PCNA: variants seen among roughly 807,000 people sequenced by gnomAD.
The protein encoded by PCNA is proliferating cell nuclear antigen, also known as DNA sliding clamp PCNA.
A neutral mutation model predicts 27.8 loss-of-function variants in PCNA; 4 were observed. The ratio of observed to expected loss-of-function variants is 0.14; its 90% CI spans 0.07 to 0.33. The LOEUF is 0.33. Ranked by LOEUF, PCNA falls within the 10% of genes least tolerant of loss-of-function variation. The pLI is 1.00. For missense variants in PCNA, 165 were observed against 327.4 expected, an observed-to-expected ratio of 0.50 and a Z score of 3.83; for synonymous variants, 121 against 119.4, an observed-to-expected ratio of 1.01 and a Z score of -0.09.
At position 5,119,676 on chromosome 20, in the gene PCNA, G is replaced by A; in HGVS notation, c.123C>T (p.Asp41=). The A allele has an allele frequency of 6.2e-7, 1 of 1,612,618 alleles. No individual in the cohort carries two copies. The highest frequency in any genetic ancestry group is 8.5e-7 in the Non-Finnish European group (1 of 1,179,454). ...SSSGVNLQSM[D]SSHVSLVQLT... ...GCTGCACCAAAGAGACGTGGGACGA[G>A]TCCATGCTCTGCAGGTTTACACCGC... The change falls in exon 1 of 6, where the codon GAC becomes GAT. Residue 41 remains aspartate (D), a synonymous_variant. Coordinates refer to ENST00000379143, the MANE Select transcript of PCNA (RefSeq NM_182649.2).
chr20:5,118,495 C>T, intron 3 of PCNA, 115 bp downstream of exon 3: 2 of 723,866 alleles, frequency 2.8e-6, no homozygotes, highest in East Asian at 2.6e-5. Flanking sequence ...GGCACTACTG[C>T]ACTCCAGCCT....
intron 3 of PCNA, 49 bp from the exon 4 acceptor site, chr20:5,117,713 A>G: frequency 8.5e-7 from 1 of 1,181,652 alleles, no homozygotes; most frequent in Non-Finnish European, 1.2e-6. Flanking sequence ...AAATTTAATG[A>G]TTTGGCACCC....
chr20:5,117,771 C>T, intron 3 of PCNA, 107 bp from the exon 4 acceptor site: 1 of 635,518 alleles, frequency 1.6e-6, no homozygotes, highest in Non-Finnish European at 2.7e-6. Context: ...TCAATATTTT[C>T]TGATTACTTT....
chr20:5,120,195 G>A (rs747610543), upstream of PCNA, among the ~76,000 whole-genome samples: 6 of 152,268 alleles, frequency 3.9e-5, no homozygotes, highest in African/African-American at 1.2e-4. Context: ...GGGCATATGT[G>A]GAGATCGGGT....
intron 3 of PCNA, 94 bp downstream of exon 3, chr20:5,118,516 G>T (rs2090492109): frequency 2.2e-6 from 2 of 928,462 alleles, no homozygotes; most frequent in African/African-American, 1.6e-5. Context: ...GGGCAACAGA[G>T]CCAAGACCCT....
chr20:5,123,063 A>T (rs990596378), upstream of PCNA, among the ~76,000 whole-genome samples: 1 of 152,192 alleles, frequency 6.6e-6, no homozygotes, highest in Non-Finnish European at 1.5e-5. Flanking sequence ...GGAGAGTTGG[A>T]AAAAAGCATT....
At chr20:5,123,154 G>A (rs1489075749), upstream of PCNA, among the ~76,000 whole-genome samples, 1 of 152,196 alleles carries the variant, frequency 6.6e-6, no homozygotes, top group African/African-American at 2.4e-5. Flanking sequence ...AACTCAGACT[G>A]ATGTGTCTGA....
upstream of PCNA, chr20:5,119,993 C>A (rs754560449): frequency 5.1e-6 from 3 of 589,722 alleles, no homozygotes; most frequent in Non-Finnish European, 9.1e-6. Context: ...TCTCACCCTG[C>A]GCCGCGTTGC....
intron 1 of PCNA, among the ~76,000 whole-genome samples, chr20:5,125,806 T>C (rs1369096108): frequency 6.6e-6 from 1 of 152,196 alleles, no homozygotes. Flanking sequence ...CTAAGGTCCT[T>C]TTAAAAGTTT....
upstream of PCNA, among the ~76,000 whole-genome samples, chr20:5,120,869 C>T (rs1003882389): frequency 2.0e-5 from 3 of 152,060 alleles, no homozygotes; most frequent in Non-Finnish European, 4.4e-5. Flanking sequence ...TACAGTGGCG[C>T]GATCTCAGCT....
intron 1 of PCNA, among the ~76,000 whole-genome samples, chr20:5,125,345 G>A (rs1249793969): frequency 6.6e-6 from 1 of 151,842 alleles, no homozygotes; most frequent in Non-Finnish European, 1.5e-5. Context: ...ATTTTAGCCA[G>A]GCATGGTAGC....
intron 3 of PCNA, among the ~76,000 whole-genome samples, chr20:5,117,926 T>C (rs989632945): frequency 6.6e-6 from 1 of 152,214 alleles, no homozygotes; most frequent in African/African-American, 2.4e-5. Context: ...ACAGAAATCA[T>C]GATGGCGCAA....
chr20:5,119,604 G>A lies in PCNA; in HGVS notation c.195C>T (p.Asn65=), dbSNP rs1236299518. 6.2e-7 allele frequency: 1 copy of A among 1,613,372 alleles called. No homozygotes were observed. Among genetic ancestry groups the A allele is most frequent in the Non-Finnish European group, 8.5e-7 (1 of 1,179,914 alleles). ...TGGTGAGGTTCACGCCCATGGCCAG[G>A]TTGCGGTCGCAGCGGTAGGTGTCGA... ...EGFDTYRCDR[N]LAMGVNLTSM... The change falls in exon 1 of 6, where the codon AAC becomes AAT. Residue 65 remains asparagine, a synonymous_variant. Coordinates refer to ENST00000379143, the MANE Select transcript of PCNA (RefSeq NM_182649.2).
intron 4 of PCNA, among the ~76,000 whole-genome samples, chr20:5,116,549 A>G (rs1216601970): frequency 6.6e-6 from 1 of 152,250 alleles, no homozygotes; most frequent in Non-Finnish European, 1.5e-5. Context: ...CACACACAGC[A>G]TATGCTAAGC....
chr20:5,122,171 G>A (rs771341842), upstream of PCNA, among the ~76,000 whole-genome samples: 3 of 151,872 alleles, frequency 2.0e-5, no homozygotes, highest in South Asian at 6.2e-4. Flanking sequence ...TAGTAGAGAC[G>A]GGGTTTTGCC....
upstream of PCNA, chr20:5,121,341 C>G (rs559030246): frequency 1.7e-4 from 26 of 149,164 alleles, no homozygotes; most frequent in Admixed American, 1.7e-3. Context: ...CTTCAAATAT[C>G]TCCTCTCCTT....
chr20:5,124,607 G>A (rs1176344897), upstream of PCNA, among the ~76,000 whole-genome samples: 4 of 150,858 alleles, frequency 2.7e-5, no homozygotes, highest in African/African-American at 9.8e-5. Flanking sequence ...TCCAGCCTGA[G>A]CAACAAGAGG....
At chr20:5,122,497 T>C (rs2122916392), upstream of PCNA, among the ~76,000 whole-genome samples, 1 of 152,368 alleles carries the variant, frequency 6.6e-6, no homozygotes, top group East Asian at 1.9e-4. Context: ...GCTATTCTAT[T>C]GTCTCTGGAA....
In PCNA at chr20:5,118,645, A is replaced by G; in HGVS notation, c.352T>C (p.Leu118=). ...AGTTGTTCAACATCTAAATCCATCA[A>G]CTTCATTTCATAGTCTGAAACTTTC... ...QEKVSDYEMK[L]MDLDVEQLGI... is the part of the protein sequence containing the mutation. The change falls in exon 3 of 6, where the codon TTG becomes CTG. Residue 118 remains leucine (L), a synonymous_variant. Transcript: ENST00000379143. 6.2e-7 allele frequency: 1 copy of G among 1,613,674 alleles called. No individual in the cohort carries two copies.
Sources: allele counts gnomAD v4.1 joint callset (sites outside exome capture counted in the v4.1 genomes callset), GRCh38; gene constraint gnomAD v4.1.1; transcripts MANE v1.5; gene names NCBI Gene and HGNC (gene_info 2026-07-23, HGNC 2026-07-21).